The following KDM4C variants were observed in gnomAD, a reference collection of about 807,000 sequenced individuals.
KDM4C encodes lysine demethylase 4C, also known as lysine-specific demethylase 4C.
KDM4C carries 81 observed loss-of-function variants against 129.3 expected under a neutral mutation model. The observed-to-expected ratio is 0.63, with a 90% CI of 0.52 to 0.75. The LOEUF (loss-of-function observed/expected upper bound fraction) is 0.75, where lower values mean the gene tolerates loss of function less well. Ranked by LOEUF, KDM4C falls within the 30% of genes least tolerant of loss-of-function variation. The pLI is 0.00. For synonymous variants in KDM4C, 573 were observed against 456.1 expected (o/e 1.26, Z -3.26); for missense variants, 1,457 against 1,304.0 (o/e 1.12, Z -1.81).
At chr9:6,826,255 C>G (rs957386551) in intron 4 of KDM4C, among the ~76,000 whole-genome samples, 24 of 145,080 alleles carry the variant, frequency 1.7e-4, no homozygotes, top group Admixed American at 1.3e-3. Flanking sequence ...TTTTAGTTTT[C>G]TTGATAATCT....
chr9:6,946,718 C>T lies in KDM4C; in HGVS notation c.922-34207C>T, dbSNP rs923387870. On this transcript the variant is annotated intron_variant, in intron 8 of 21. Coordinates refer to ENST00000381309, the MANE Select transcript of KDM4C (RefSeq NM_015061.6). ...CTGAGTTTATAATCAGTATGTCACT[C>T]ATGTTCTTTCTATAGTTCATTATGA... 7.2e-5 allele frequency among the ~76,000 whole-genome samples: 11 copies of T among 152,110 alleles called. No individual in the cohort carries two copies. In the East Asian group the frequency reaches 1.9e-3, roughly 27 times the overall value.
At chr9:6,777,825 C>A (rs2130719968) in intron 1 of KDM4C, among the ~76,000 whole-genome samples, 1 of 151,858 alleles carries the variant, frequency 6.6e-6, no homozygotes, top group Admixed American at 6.6e-5. Flanking sequence ...CAACTGCAAG[C>A]CATAAAAACT....
At chr9:7,009,726 G>A (rs957820285) in intron 12 of KDM4C, among the ~76,000 whole-genome samples, 1 of 152,150 alleles carries the variant, frequency 6.6e-6, no homozygotes, top group Admixed American at 6.5e-5. Flanking sequence ...ATGCAACAGG[G>A]TTGTGTATCC....
intron 21 of KDM4C, chr9:7,170,217 G>T: frequency 8.3e-7 from 1 of 1,199,314 alleles, no homozygotes; most frequent in Non-Finnish European, 1.0e-6. Context: ...CAAGGCATTT[G>T]CAATCTTGTT....
At chr9:7,128,299 T>C (rs999286611) in intron 19 of KDM4C, 63 bp downstream of exon 19, 1 of 1,315,760 alleles carries the variant, frequency 7.6e-7, no homozygotes, top group Non-Finnish European at 1.0e-6. Context: ...CCAAAGTAAC[T>C]GAGCCCTTCA....
chr9:6,756,760 C>T (rs1017315688), upstream of KDM4C, among the ~76,000 whole-genome samples: 2 of 152,162 alleles, frequency 1.3e-5, no homozygotes, highest in Non-Finnish European at 2.9e-5. Context: ...TTGTTTTTAA[C>T]AACTAAAGAA....
rs573075811 is a variant in KDM4C at position 6,765,027 on chromosome 9, G to A, written c.-18+6824G>A. ...TAACTTCTGCTTCAGGAATAATATT[G>A]TGGGGATCAATCCGCTTGTCTCCAC... On this transcript the variant is annotated intron_variant, in intron 1 of 21. Coordinates refer to ENST00000381309, the MANE Select transcript of KDM4C (RefSeq NM_015061.6). Among the ~76,000 whole-genome samples the A allele has an allele frequency of 3.1e-3, 467 of 152,178 alleles. 3 individuals carry two copies. Among genetic ancestry groups the A allele is most frequent in the African/African-American group, 0.011 (448 of 41,518 alleles).
chr9:7,060,672 G>C (rs1370793086), intron 17 of KDM4C, among the ~76,000 whole-genome samples: 2 of 151,898 alleles, frequency 1.3e-5, no homozygotes, highest in Non-Finnish European at 2.9e-5. Flanking sequence ...AGTAGAGACA[G>C]GGTTTCACCA....
chr9:6,981,596 A>G (rs1229004360), intron 9 of KDM4C, among the ~76,000 whole-genome samples: 1 of 152,196 alleles, frequency 6.6e-6, no homozygotes, highest in Admixed American at 6.5e-5. Context: ...TGTAAGATGT[A>G]AAACACAGCA....
At chr9:6,941,211 A>G (rs1407923887) in intron 8 of KDM4C, among the ~76,000 whole-genome samples, 1 of 152,032 alleles carries the variant, frequency 6.6e-6, no homozygotes, top group Non-Finnish European at 1.5e-5. Flanking sequence ...GTTTCACCAC[A>G]TTGGCTGGGC....
intron 4 of KDM4C, among the ~76,000 whole-genome samples, chr9:6,832,452 G>T (rs1281068968): frequency 7.3e-6 from 1 of 136,324 alleles, no homozygotes; most frequent in African/African-American, 2.7e-5. Context: ...TTGAGGTGGA[G>T]TCTCGCTCTG....
At chr9:7,096,266 A>G (rs1244128264) in intron 17 of KDM4C, among the ~76,000 whole-genome samples, 1 of 152,214 alleles carries the variant, frequency 6.6e-6, no homozygotes, top group African/African-American at 2.4e-5. Context: ...GCTTCTTTCA[A>G]CATGAGATTG....
At chr9:6,965,410 A>T (rs186655379) in intron 8 of KDM4C, among the ~76,000 whole-genome samples, 2 of 152,186 alleles carry the variant, frequency 1.3e-5, no homozygotes, top group Admixed American at 6.5e-5. Flanking sequence ...AATTGATATT[A>T]TGTGACATTT....
At chr9:7,119,012 T>C (rs1216621793) in intron 18 of KDM4C, among the ~76,000 whole-genome samples, 1 of 152,186 alleles carries the variant, frequency 6.6e-6, no homozygotes, top group African/African-American at 2.4e-5. Flanking sequence ...AACTGTTTTC[T>C]CTCTGGTCTC....
intron 4 of KDM4C, among the ~76,000 whole-genome samples, chr9:6,844,775 C>T (rs1190280227): frequency 4.6e-5 from 7 of 152,114 alleles, no homozygotes; most frequent in Non-Finnish European, 1.0e-4. Flanking sequence ...ACAACCTCTG[C>T]CTCCCGGGTT....
chr9:7,145,309 T>C (rs928644774), intron 19 of KDM4C, among the ~76,000 whole-genome samples: 1 of 152,188 alleles, frequency 6.6e-6, no homozygotes, highest in African/African-American at 2.4e-5. Flanking sequence ...CTTGAAAATT[T>C]AGAAACCGTA....
intron 21 of KDM4C, among the ~76,000 whole-genome samples, 194 bp from the exon 22 acceptor site, chr9:7,174,359 A>G (rs1845250314): frequency 6.6e-6 from 1 of 152,186 alleles, no homozygotes; most frequent in Non-Finnish European, 1.5e-5. Flanking sequence ...TGGAGAAAGT[A>G]GGGCTAAATG....
At chr9:7,164,664 T>A (rs1844183603) in intron 19 of KDM4C, among the ~76,000 whole-genome samples, 1 of 152,192 alleles carries the variant, frequency 6.6e-6, no homozygotes, top group African/African-American at 2.4e-5. Flanking sequence ...TCCTACCGGC[T>A]TCAATCGCAC....
chr9:7,047,020 A>T, intron 16 of KDM4C, 103 bp downstream of exon 16: 6 of 814,504 alleles, frequency 7.4e-6, no homozygotes, highest in Non-Finnish European at 1.2e-5. Flanking sequence ...ACGTGGTTTC[A>T]AAGCTTTTGC....
Sources: allele counts gnomAD v4.1 joint callset (sites outside exome capture counted in the v4.1 genomes callset), GRCh38; gene constraint gnomAD v4.1.1; transcripts MANE v1.5; gene names NCBI Gene and HGNC (gene_info 2026-07-23, HGNC 2026-07-21).